The following UBP1 variants were observed in gnomAD, a reference collection of about 807,000 sequenced individuals.
UBP1 encodes upstream binding protein 1, also known as upstream-binding protein 1.
UBP1 carries 22 observed loss-of-function variants against 76.1 expected under a neutral mutation model. The ratio of observed to expected loss-of-function variants is 0.29; its 90% confidence interval spans 0.21 to 0.41. The LOEUF is 0.41. Ranked by LOEUF, UBP1 falls within the 10% of genes least tolerant of loss-of-function variation. The pLI is 1.00. For missense variants in UBP1, 436 were observed against 668.1 expected (o/e 0.65, Z 3.83); for synonymous variants, 224 against 237.1 (o/e 0.94, Z 0.51).
Position 33,409,264 on chromosome 3 carries a change from G to A in UBP1, c.791C>T (p.Pro264Leu), listed in dbSNP as rs756743129. 11 of 1,613,868 alleles carry A rather than the reference G, an allele frequency of 6.8e-6. No individual in the cohort carries two copies. The highest frequency in any genetic ancestry group is 1.7e-4 in the Middle Eastern group (1 of 6,054). Residue 264 changes from proline to leucine, a missense_variant, in exon 7 of 16, where the codon CCG (proline) becomes CTG (leucine). By Grantham distance (98) the Pro-to-Leu change is moderately conservative (BLOSUM62 -3). Around this residue, in one of 3 missense-constraint regions of UBP1, gnomAD observed 65 missense variants for 157.4 expected, o/e 0.41. Transcript: ENST00000283629. ...TGTGAGGATTGTGGTATCATAGGAC[G>A]GCTGATACTTTTCTTTTTCATGAGC... is the stretch of plus-strand genomic sequence containing the variant. The part of the protein sequence containing the change: ...RTAHEKEKYQ[P>L]SYDTTILTEM...
chr3:33,400,230 T>C lies in UBP1; in HGVS notation c.1139A>G (p.Asn380Ser). ...CAGTCTTGTGTAGGAAGAGAATCTG[T>C]TTTTGAGCAGCCATTGCTGTGTTTC... ...IQETQQWLLKNRFSSYTRLFS... is the reference protein window; with the variant it reads ...IQETQQWLLKSRFSSYTRLFS... The change falls in exon 11 of 16, where the codon AAC becomes AGC. Residue 380 changes from asparagine to serine, a missense_variant. This residue lies in a region of UBP1 where 210 missense variants were observed against 272.8 expected (regional missense o/e 0.77). Transcript: ENST00000283629. The C allele has an allele frequency of 6.2e-7, 1 of 1,603,572 alleles. No homozygotes were observed. The highest frequency in any genetic ancestry group is 8.5e-7 in the Non-Finnish European group (1 of 1,176,684).
At chr3:33,432,261 C>T (rs949418647) in intron 1 of UBP1, among the ~76,000 whole-genome samples, 9 of 151,930 alleles carry the variant, frequency 5.9e-5, no homozygotes, top group Non-Finnish European at 8.8e-5. Flanking sequence ...GAAGTCGAGG[C>T]TGCAGTGAGC....
At chr3:33,394,817 GTTTTTTTTT>G (rs76142927) in intron 13 of UBP1, among the ~76,000 whole-genome samples, 1 of 110,444 alleles carries the variant, frequency 9.1e-6, no homozygotes, top group Admixed American at 8.9e-5. Context: ...CCCTCCACTT[GTTTTTTTTT>G]TTTTTTTTTT....
chr3:33,396,334 T>A, intron 12 of UBP1, 54 bp from the exon 13 acceptor site: 1 of 1,303,600 alleles, frequency 7.7e-7, no homozygotes, highest in Non-Finnish European at 1.1e-6. Flanking sequence ...GCCTTACACA[T>A]GTACAAATAT....
At chr3:33,399,244 A>T (rs754472858) in intron 11 of UBP1, among the ~76,000 whole-genome samples, 3 of 152,204 alleles carry the variant, frequency 2.0e-5, no homozygotes, top group Non-Finnish European at 2.9e-5. Context: ...CATGTTGGAA[A>T]AGAGTCCCAG....
intron 15 of UBP1, chr3:33,392,220 C>G (rs1415675634): frequency 4.9e-6 from 1 of 205,064 alleles, no homozygotes; most frequent in Non-Finnish European, 9.7e-6. Context: ...TTGTGTATCT[C>G]TTGGCCAATT....
Position 33,439,857 on chromosome 3 carries a change from C to G in UBP1, c.-9G>C. On this transcript the variant is annotated 5_prime_UTR_variant, in exon 1 of 16. Coordinates refer to ENST00000283629, the MANE Select transcript of UBP1 (RefSeq NM_014517.5). ...TTGAGCACCCAGGCCATCTTCCGGC[C>G]TCGCCGTCGCCCCGCACACCGCGGC... is the stretch of plus-strand genomic sequence containing the variant. 1 of 1,610,962 alleles carries G rather than the reference C, an allele frequency of 6.2e-7. No individual in the cohort carries two copies. Among genetic ancestry groups the G allele is most frequent in the Non-Finnish European group, 8.5e-7 (1 of 1,179,142 alleles).
At chr3:33,418,828 C>T (rs1381004773) in intron 2 of UBP1, among the ~76,000 whole-genome samples, 1 of 126,694 alleles carries the variant, frequency 7.9e-6, no homozygotes, top group Non-Finnish European at 1.5e-5. Flanking sequence ...CGCTGCACTA[C>T]AGCCCAGGCA....
chr3:33,406,752 C>T (rs17030624), intron 8 of UBP1, among the ~76,000 whole-genome samples: 39,113 of 152,054 alleles, frequency 0.26, 5,951 homozygotes, highest in East Asian at 0.47. Context: ...GTTATGGTTT[C>T]GGTACACTGT....
At chr3:33,416,713 C>T in intron 3 of UBP1, 45 bp downstream of exon 3, 1 of 1,384,790 alleles carries the variant, frequency 7.2e-7, no homozygotes, top group Admixed American at 2.2e-5. Flanking sequence ...AAAACTCATT[C>T]AATCACAGCA....
intron 8 of UBP1, among the ~76,000 whole-genome samples, chr3:33,407,632 C>A (rs911453924): frequency 2.6e-5 from 4 of 151,128 alleles, no homozygotes; most frequent in African/African-American, 9.7e-5. Context: ...AGTTTCATTG[C>A]ATAGAGAAGC....
Position 33,409,500 on chromosome 3 carries a change from T to C in UBP1, c.657A>G (p.Gly219=). The C allele has an allele frequency of 6.2e-7, 1 of 1,614,114 alleles. No individual in the cohort carries two copies. The highest frequency in any genetic ancestry group is 1.1e-5 in the South Asian group (1 of 91,080). The change falls in exon 6 of 16, where the codon GGA becomes GGG. Residue 219 remains glycine, a synonymous_variant. Coordinates refer to ENST00000283629, the MANE Select transcript of UBP1 (RefSeq NM_014517.5). ...CTGAGTGTAGATGATCTGTGTATTC[T>C]CCATTTTCATTCTGCTTAAAGGTGT... ...QVDTFKQNEN[G]EYTDHLHSAS...
At chr3:33,423,386 C>T (rs2044952170) in intron 2 of UBP1, among the ~76,000 whole-genome samples, 1 of 152,080 alleles carries the variant, frequency 6.6e-6, no homozygotes, top group Non-Finnish European at 1.5e-5. Context: ...AACATGTCTA[C>T]ATATACAGTT....
At chr3:33,433,771 G>A (rs1433838475) in intron 1 of UBP1, among the ~76,000 whole-genome samples, 1 of 152,040 alleles carries the variant, frequency 6.6e-6, no homozygotes, top group Non-Finnish European at 1.5e-5. Flanking sequence ...CATGAAGCTG[G>A]GCACCATGTG....
intron 1 of UBP1, among the ~76,000 whole-genome samples, 173 bp downstream of exon 1, chr3:33,439,563 G>A (rs1243803460): frequency 6.6e-6 from 1 of 152,150 alleles, no homozygotes; most frequent in African/African-American, 2.4e-5. Flanking sequence ...TCACCAGGGC[G>A]AGCAGAGGCC....
chr3:33,434,824 C>G (rs2045179327), intron 1 of UBP1, among the ~76,000 whole-genome samples: 1 of 149,628 alleles, frequency 6.7e-6, no homozygotes, highest in Admixed American at 6.7e-5. Context: ...GTAGCTGGGA[C>G]TACAGGCATG....
chr3:33,396,968 A>G (rs1014920820), intron 12 of UBP1, 77 bp downstream of exon 12: 2 of 1,358,558 alleles, frequency 1.5e-6, no homozygotes, highest in Non-Finnish European at 2.1e-6. Context: ...CCTAGCGTGG[A>G]AACACATTCT....
At chr3:33,433,417 G>A (rs560305956) in intron 1 of UBP1, among the ~76,000 whole-genome samples, 1 of 149,108 alleles carries the variant, frequency 6.7e-6, no homozygotes, top group East Asian at 2.0e-4. Flanking sequence ...CACCGTGGGA[G>A]TCCGAGGCGG....
chr3:33,409,318 G>T lies in UBP1; in HGVS notation c.737C>A (p.Thr246Asn). The change falls in exon 7 of 16, where the codon ACT (threonine) becomes AAT (asparagine). Residue 246 changes from threonine to asparagine, a missense_variant. Around this residue, in one of 3 missense-constraint regions of UBP1, gnomAD observed 65 missense variants for 157.4 expected, o/e 0.41. Transcript: ENST00000283629. ...TCTCTTCTCCATCTTCTCTCGGTCAGTTTTTTGTTTCCTGTCTGCACCTTT... is the reference window on the plus strand; with the variant it reads ...TCTCTTCTCCATCTTCTCTCGGTCATTTTTTTGTTTCCTGTCTGCACCTTT... ...KPKGADRKQK[T>N]DREKMEKRTA... The T allele has an allele frequency of 6.2e-7, 1 of 1,614,106 alleles. No individual in the cohort carries two copies. Among genetic ancestry groups the T allele is most frequent in the Non-Finnish European group, 8.5e-7 (1 of 1,180,002 alleles).
Sources: gnomAD v4.1 joint callset for allele counts (sites outside exome capture counted in the v4.1 genomes callset) on GRCh38, gnomAD v4.1.1 for gene constraint, gnomAD v4.1.1 regional missense constraint, MANE v1.5 for transcripts, NCBI Gene and HGNC (gene_info 2026-07-23, HGNC 2026-07-21) for gene names.